ZNF644: variants seen among roughly 807,000 people sequenced by gnomAD.
The protein encoded by ZNF644 is zinc finger motif enhancer binding protein 2.
Under a neutral mutation model 108.0 loss-of-function variants are expected in ZNF644, and 20 were observed. The observed-to-expected ratio is 0.19, with a 90% confidence interval of 0.13 to 0.27. The LOEUF is 0.27. Ranked by LOEUF, ZNF644 falls within the 10% of genes least tolerant of loss-of-function variation. ZNF644 has a pLI of 1.00. For missense variants in ZNF644, 1,338 were observed against 1,548.9 expected (o/e 0.86, Z 2.29); for synonymous variants, 542 against 539.1 (o/e 1.01, Z -0.08).
chr1:90,945,924 A>G (rs758425584), intron 2 of ZNF644, among the ~76,000 whole-genome samples: 15 of 152,058 alleles, frequency 9.9e-5, no homozygotes, highest in Non-Finnish European at 1.6e-4. Flanking sequence ...TAGTTCATTA[A>G]TTGCTATATT....
At chr1:90,924,792 C>T (rs912820421) in intron 4 of ZNF644, among the ~76,000 whole-genome samples, 1 of 152,084 alleles carries the variant, frequency 6.6e-6, no homozygotes, top group Non-Finnish European at 1.5e-5. Flanking sequence ...CAATTAAATA[C>T]ATAAACCTTG....
At chr1:90,973,741 A>G (rs1198009051) in intron 2 of ZNF644, among the ~76,000 whole-genome samples, 1 of 152,148 alleles carries the variant, frequency 6.6e-6, no homozygotes, top group Non-Finnish European at 1.5e-5. Flanking sequence ...TATAGAGGGC[A>G]CTGCAGGAGA....
At chr1:90,954,193 ACTT>A (rs1317940432) in intron 2 of ZNF644, among the ~76,000 whole-genome samples, 1 of 152,134 alleles carries the variant, frequency 6.6e-6, no homozygotes, top group African/African-American at 2.4e-5. Flanking sequence ...CCACAGTAAA[ACTT>A]CTTTTGATAT....
chr1:90,990,549 T>C (rs1236346190), intron 1 of ZNF644, among the ~76,000 whole-genome samples: 1 of 152,140 alleles, frequency 6.6e-6, no homozygotes, highest in Admixed American at 6.5e-5. Context: ...GAAAAGAGTA[T>C]CTATGCAGAA....
chr1:90,933,433 G>A (rs1187207797), intron 4 of ZNF644, among the ~76,000 whole-genome samples: 6 of 152,038 alleles, frequency 3.9e-5, no homozygotes, highest in Admixed American at 1.3e-4. Flanking sequence ...AGGCTAAGGC[G>A]GGCAGACTGC....
chr1:90,986,608 T>C (rs1657125488), intron 1 of ZNF644, among the ~76,000 whole-genome samples: 1 of 152,050 alleles, frequency 6.6e-6, no homozygotes, highest in African/African-American at 2.4e-5. Context: ...TGCTGAAATT[T>C]GTTGTAAATC....
At chr1:90,968,817 G>C (rs1655184603) in intron 2 of ZNF644, among the ~76,000 whole-genome samples, 1 of 151,970 alleles carries the variant, frequency 6.6e-6, no homozygotes, top group Admixed American at 6.6e-5. Context: ...TTGATAAATA[G>C]ATACATTTAT....
chr1:91,018,579 TAGATA>T (rs899146576), intron 1 of ZNF644, among the ~76,000 whole-genome samples: 1 of 152,252 alleles, frequency 6.6e-6, no homozygotes, highest in Non-Finnish European at 1.5e-5. Flanking sequence ...AAATCAGGGT[TAGATA>T]ACTCAACATG....
Position 90,935,173 on chromosome 1 carries a change from CTT to C in ZNF644, c.3688+2310_3688+2311del, listed in dbSNP as rs552764353. Among the ~76,000 whole-genome samples the C allele has an allele frequency of 6.4e-3, 974 of 152,264 alleles. 8 individuals are homozygous for C. The highest frequency in any genetic ancestry group is 0.01 in the Non-Finnish European group (681 of 68,020). On this transcript the variant is annotated intron_variant, in intron 4 of 5. Coordinates refer to ENST00000337393, the MANE Select transcript of ZNF644 (RefSeq NM_201269.3). ...AAGGTAGACTCAAAGTTCCACACCT[CTT>C]GGGTTAATTTTTTTTCCCCCAAATT... is the stretch of plus-strand genomic sequence containing the variant.
At chr1:90,991,583 T>C (rs1657641063) in intron 1 of ZNF644, among the ~76,000 whole-genome samples, 1 of 152,154 alleles carries the variant, frequency 6.6e-6, no homozygotes, top group Non-Finnish European at 1.5e-5. Flanking sequence ...AAAGCACGGC[T>C]GGGAAAGGCC....
At position 90,925,828 on chromosome 1, in the gene ZNF644, C is replaced by A. The variant is rs185642156; in HGVS notation, c.3689-7674G>T. On this transcript the variant is annotated intron_variant, in intron 4 of 5. Coordinates refer to ENST00000337393, the MANE Select transcript of ZNF644 (RefSeq NM_201269.3). ...TCTCCTAAAAACAAACTTACTGATTCAACAAGTGTGGTTATTTGCTTTTGA... is the reference window on the plus strand; with the variant it reads ...TCTCCTAAAAACAAACTTACTGATTAAACAAGTGTGGTTATTTGCTTTTGA... 1.7e-3 allele frequency among the ~76,000 whole-genome samples: 255 copies of A among 152,216 alleles called. 2 individuals are homozygous for A. Among genetic ancestry groups the A allele is most frequent in the African/African-American group, 6.0e-3 (251 of 41,544 alleles).
rs755623753 is a variant in ZNF644, at chr1:90,939,093, C to A, written c.2261G>T (p.Gly754Val). 2 of 1,613,816 alleles carry A rather than the reference C, an allele frequency of 1.2e-6. No individual in the cohort carries two copies. The highest frequency in any genetic ancestry group is 2.7e-5 in the African/African-American group (2 of 74,902). The change falls in exon 3 of 6, where the codon GGT becomes GTT. Residue 754 changes from glycine to valine, a missense_variant. Physicochemically the swap from Gly to Val is moderately radical, Grantham distance 109. Around this residue, in one of 6 missense-constraint regions of ZNF644, gnomAD observed 462 missense variants for 472.6 expected, o/e 0.98. Transcript: ENST00000337393. The stretch of plus-strand genomic sequence containing the variant: ...TTTGAAATGCACAGGATATGATTCA[C>A]CTGATTTTTTGATCATCCTATAGTT... ...YENYRMIKKS[G>V]ESYPVHFKKE...
At chr1:90,956,177 C>T (rs1016348152) in intron 2 of ZNF644, among the ~76,000 whole-genome samples, 1 of 152,068 alleles carries the variant, frequency 6.6e-6, no homozygotes, top group African/African-American at 2.4e-5. Flanking sequence ...TTTGTGGTGC[C>T]CTAAAACAAT....
chr1:90,917,411 T>C (rs1330229986), intron 5 of ZNF644, among the ~76,000 whole-genome samples: 1 of 152,180 alleles, frequency 6.6e-6, no homozygotes, highest in African/African-American at 2.4e-5. Flanking sequence ...AGAAAATGTG[T>C]TCCCAATAAG....
chr1:90,980,159 A>C (rs527782621), intron 2 of ZNF644, among the ~76,000 whole-genome samples: 2 of 152,352 alleles, frequency 1.3e-5, no homozygotes, highest in Non-Finnish European at 2.9e-5. Flanking sequence ...TGCTAAGATA[A>C]ACGAGACATG....
At chr1:90,998,541 T>C (rs1424794776) in intron 1 of ZNF644, among the ~76,000 whole-genome samples, 4 of 152,148 alleles carry the variant, frequency 2.6e-5, no homozygotes, top group African/African-American at 7.2e-5. Context: ...CAAAACCCCA[T>C]CTCTACGTCA....
chr1:91,013,078 T>C (rs1660107823), intron 1 of ZNF644, among the ~76,000 whole-genome samples: 2 of 152,274 alleles, frequency 1.3e-5, no homozygotes, highest in Non-Finnish European at 2.9e-5. Context: ...TTATCTTTTT[T>C]CTTTTGTTTT....
At chr1:90,954,396 C>A (rs948537871) in intron 2 of ZNF644, among the ~76,000 whole-genome samples, 1 of 151,876 alleles carries the variant, frequency 6.6e-6, no homozygotes, top group South Asian at 2.1e-4. Flanking sequence ...AATTCAGTTA[C>A]ATCTTCAGGT....
At chr1:90,956,297 T>A (rs1347000924) in intron 2 of ZNF644, among the ~76,000 whole-genome samples, 1 of 152,204 alleles carries the variant, frequency 6.6e-6, no homozygotes, top group Non-Finnish European at 1.5e-5. Flanking sequence ...AATGAGCATA[T>A]GTTGTTGAGA....
Sources: allele counts gnomAD v4.1 joint callset (sites outside exome capture counted in the v4.1 genomes callset), GRCh38; gene constraint gnomAD v4.1.1; regional missense constraint gnomAD v4.1.1; transcripts MANE v1.5; gene names NCBI Gene and HGNC (gene_info 2026-07-23, HGNC 2026-07-21).